The following EGR2 variants were observed in gnomAD, a reference collection of about 807,000 sequenced individuals.
EGR2 encodes E3 SUMO-protein ligase EGR2.
Under a neutral mutation model 21.2 loss-of-function variants are expected in EGR2, and 2 were observed. That is an observed-to-expected ratio of 0.09 (90% CI 0.04 to 0.30). EGR2 has a LOEUF of 0.30. EGR2 is among the 10% of genes least tolerant of loss of function. The pLI is 1.00. For synonymous variants in EGR2, 282 were observed against 258.2 expected (o/e 1.09, Z -0.88); for missense variants, 458 against 630.2 (o/e 0.73, Z 2.93).
chr10:62,815,800 T>A, intron 1 of EGR2, 61 bp downstream of exon 1: 1 of 1,597,862 alleles, frequency 6.3e-7, no homozygotes, highest in Non-Finnish European at 8.5e-7. Context: ...GCACACCCAC[T>A]GCACCCCATC....
upstream of EGR2, among the ~76,000 whole-genome samples, chr10:62,818,051 C>G (rs1213238174): frequency 7.9e-5 from 12 of 152,384 alleles, no homozygotes; most frequent in East Asian, 2.1e-3. Flanking sequence ...CCTGTCCTGT[C>G]CCTTTTTCAC....
At chr10:62,815,142 C>T in intron 1 of EGR2, among the ~76,000 whole-genome samples, 1 of 152,240 alleles carries the variant, frequency 6.6e-6, no homozygotes, top group East Asian at 1.9e-4. Context: ...AGTGGCCCGG[C>T]CTCGAGGAAG....
Position 62,813,145 on chromosome 10 carries a change from G to A in EGR2, c.*62C>T. 2 of 1,489,994 alleles carry A rather than the reference G, an allele frequency of 1.3e-6. No individual in the cohort carries two copies. Among genetic ancestry groups the A allele is most frequent in the Non-Finnish European group, 1.8e-6 (2 of 1,120,078 alleles). The allele number at this position is 1,489,994 out of a possible 1,614,324, so 92.3% of individuals were successfully genotyped here. A position where few individuals can be genotyped will look rare whatever the true frequency, so the allele number is the denominator to read the frequency against. On this transcript the variant is annotated 3_prime_UTR_variant, in exon 2 of 2. Transcript: ENST00000242480. The surrounding 1 kb of genome is among the most constrained non-coding windows in gnomAD (Gnocchi z 5.7). ...AAAGGGTGGTAGTGTTTGTTGTGCA[G>A]CTCCAGTGGACAAAGGGCCTCCGGG...
rs1183807098 is a variant in EGR2 at position 62,814,563 on chromosome 10, G to C, written c.170-95C>G. On this transcript the variant is annotated intron_variant, in intron 1 of 1. Transcript: ENST00000242480. The surrounding 1 kb of genome is among the most constrained non-coding windows in gnomAD (Gnocchi z 4.8). ...CTCACATAGGTCCATTTCCAAGGCC[G>C]AGAGTCTCAGCACTGTAGAGCTGTG... 1.2e-5 allele frequency: 15 copies of C among 1,222,238 alleles called. No individual in the cohort carries two copies. Among genetic ancestry groups the C allele is most frequent in the Non-Finnish European group, 1.8e-5 (15 of 835,866 alleles). The allele number at this position is 1,222,238 out of a possible 1,614,324, so 75.7% of individuals were successfully genotyped here.
Position 62,813,832 on chromosome 10 carries a change from C to T in EGR2, c.806G>A (p.Arg269His). ...ACTGGGGCCCCCCAGGGTAAAGTTA[C>T]GGATTGTAGAGAGTGGAGTGAGTGG... ...PPPLTPLSTI[R>H]NFTLGGPSAG... The change falls in exon 2 of 2, where the codon CGT becomes CAT. Residue 269 changes from arginine to histidine, a missense_variant. Coordinates refer to ENST00000242480, the MANE Select transcript of EGR2 (RefSeq NM_000399.5). The surrounding 1 kb of genome is among the most constrained non-coding windows in gnomAD (Gnocchi z 5.7). 2 of 1,614,066 alleles carry T rather than the reference C, an allele frequency of 1.2e-6. No individual in the cohort carries two copies. The highest frequency in any genetic ancestry group is 1.7e-6 in the Non-Finnish European group (2 of 1,179,998).
chr10:62,816,391 T>G, upstream of EGR2: 1 of 1,197,682 alleles, frequency 8.3e-7, no homozygotes, highest in Non-Finnish European at 1.1e-6. Flanking sequence ...GCTCTAAGTA[T>G]TTATGGGCAG....
Position 62,815,851 on chromosome 10 carries a change from C to G in EGR2, c.169+10G>C, listed in dbSNP as rs114201658. 2 of 1,613,904 alleles carry G rather than the reference C, an allele frequency of 1.2e-6. No homozygotes were observed. Among genetic ancestry groups the G allele is most frequent in the East Asian group, 4.5e-5 (2 of 44,884 alleles). On this transcript the variant is annotated intron_variant, in intron 1 of 1. Transcript: ENST00000242480. Reference sequence around the variant, plus strand: ...GCGCAGGTCCGGGCCTGCGAAGACACGCGGCTTACCTCCGGCCACTCCGTT... The same window carrying G: ...GCGCAGGTCCGGGCCTGCGAAGACAGGCGGCTTACCTCCGGCCACTCCGTT...
upstream of EGR2, among the ~76,000 whole-genome samples, chr10:62,816,755 G>A (rs956761917): frequency 6.6e-6 from 1 of 152,188 alleles, no homozygotes; most frequent in African/African-American, 2.4e-5. Context: ...CGGTGCCGGC[G>A]GCTCCGCCTC....
At chr10:62,815,440 T>G in intron 1 of EGR2, among the ~76,000 whole-genome samples, 1 of 152,200 alleles carries the variant, frequency 6.6e-6, no homozygotes, top group Admixed American at 6.5e-5. Context: ...CGCTTTCCCC[T>G]GGCGCTTCTC....
chr10:62,813,244 G>T lies in EGR2; in HGVS notation c.1394C>A (p.Pro465Gln). Residue 465 changes from proline to glutamine, a missense_variant, in exon 2 of 2, where the codon CCG becomes CAG. Pro to Gln is a moderately conservative substitution (Grantham distance 76). Coordinates refer to ENST00000242480, the MANE Select transcript of EGR2 (RefSeq NM_000399.5). This position sits in a 1 kb window ranked among gnomAD's most constrained non-coding sequence, Gnocchi z 5.7. ...GGTCCGAGAGGAGCAAGGGGCGAGC[G>T]GCCCTCCGCCAAGACTGCTGCTGTT... ...SSNSSSLGGGPLAPCSSRTRT... is the reference protein window; with the variant it reads ...SSNSSSLGGGQLAPCSSRTRT... 1.3e-6 allele frequency: 2 copies of T among 1,566,804 alleles called. No individual in the cohort carries two copies. Among genetic ancestry groups the T allele is most frequent in the Non-Finnish European group, 1.7e-6 (2 of 1,158,062 alleles).
Position 62,815,967 on chromosome 10 carries a change from C to T in EGR2, c.63G>A (p.Leu21=). Residue 21 remains leucine, a synonymous_variant, in exon 1 of 2, where the codon CTG becomes CTA. Transcript: ENST00000242480. ...PVTLSGFVHQ[L]SDNIYPVEDL... The stretch of plus-strand genomic sequence containing the variant: ...CCTCCACCGGGTAGATGTTGTCAGA[C>T]AGCTGGTGCACAAAACCACTGAGAG... The T allele has an allele frequency of 6.2e-7, 1 of 1,614,244 alleles. No individual in the cohort carries two copies. The highest frequency in any genetic ancestry group is 8.5e-7 in the Non-Finnish European group (1 of 1,180,044).
Position 62,813,273 on chromosome 10 carries a change from G to A in EGR2, c.1365C>T (p.Ser455=), listed in dbSNP as rs967146113. ...GGVQPGGTLC[S]SNSSSLGGGP... ...CTCCGCCAAGACTGCTGCTGTTACTGCTGCACAGGGTACCCCCAGGCTGCA... is the reference window on the plus strand; with the variant it reads ...CTCCGCCAAGACTGCTGCTGTTACTACTGCACAGGGTACCCCCAGGCTGCA... Residue 455 remains serine, a synonymous_variant, in exon 2 of 2, where the codon AGC becomes AGT. Transcript: ENST00000242480. The surrounding 1 kb of genome is among the most constrained non-coding windows in gnomAD (Gnocchi z 5.7). The A allele has an allele frequency of 4.5e-6, 7 of 1,569,080 alleles. No individual in the cohort carries two copies. In the South Asian group the frequency reaches 4.8e-5, roughly 11 times the overall value.
At position 62,813,706 on chromosome 10, in the gene EGR2, T is replaced by A. The variant is rs762923017; in HGVS notation, c.932A>T (p.Asn311Ile). The A allele has an allele frequency of 1.2e-6, 2 of 1,612,628 alleles. No individual in the cohort carries two copies. The highest frequency in any genetic ancestry group is 1.7e-6 in the Non-Finnish European group (2 of 1,179,802). Residue 311 changes from asparagine to isoleucine, a missense_variant, in exon 2 of 2, where the codon AAC (asparagine) becomes ATC (isoleucine). Asn to Ile is a moderately radical substitution (Grantham distance 149, BLOSUM62 -3). This residue lies in a region of EGR2 where 253 missense variants were observed against 315.5 expected (regional missense o/e 0.80). Transcript: ENST00000242480. The surrounding 1 kb of genome is among the most constrained non-coding windows in gnomAD (Gnocchi z 5.7). The part of the protein sequence containing the change: ...AAAAAAAAAY[N>I]PHHLPLRPIL... The stretch of plus-strand genomic sequence containing the variant: ...GGGCCGCAGTGGCAGGTGGTGTGGG[T>A]TATAGGCGGCGGCGGCGGCGGCTGC...
At position 62,814,869 on chromosome 10, in the gene EGR2, C is replaced by T. The variant is rs1246472054; in HGVS notation, c.170-401G>A. ...CACGGCTGAGGCACCAAGACAAACA[C>T]CACCCAAGAATCGACCTATCCCAGT... On this transcript the variant is annotated intron_variant, in intron 1 of 1. Transcript: ENST00000242480. The surrounding 1 kb of genome is among the most constrained non-coding windows in gnomAD (Gnocchi z 4.8). Among the ~76,000 whole-genome samples, 1 of 152,250 alleles carries T rather than the reference C, an allele frequency of 6.6e-6. No homozygotes were observed. Among genetic ancestry groups the T allele is most frequent in the Non-Finnish European group, 1.5e-5 (1 of 68,042 alleles).
Position 62,814,647 on chromosome 10 carries a change from A to T in EGR2, c.170-179T>A, listed in dbSNP as rs541453768. Among the ~76,000 whole-genome samples the T allele has an allele frequency of 5.9e-5, 9 of 152,266 alleles. No homozygotes were observed. In the South Asian group the frequency reaches 1.9e-3, roughly 32 times the overall value. On this transcript the variant is annotated intron_variant, in intron 1 of 1. Coordinates refer to ENST00000242480, the MANE Select transcript of EGR2 (RefSeq NM_000399.5). This position sits in a 1 kb window ranked among gnomAD's most constrained non-coding sequence, Gnocchi z 4.8. ...CAGACTGTAAGAAGAGGCCAGCCCA[A>T]CTGTGGCAACCCATTGACAGTATGG...
In EGR2 at chr10:62,813,443, C is replaced by A. The variant is rs771331587; in HGVS notation, c.1195G>T (p.Ala399Ser). The A allele has an allele frequency of 1.9e-6, 3 of 1,614,186 alleles. No individual in the cohort carries two copies. The highest frequency in any genetic ancestry group is 3.3e-5 in the Admixed American group (2 of 60,034). ...AACTTTCGGCCACAGTAGTCACAGG[C>A]GAAGGGCTTCTCACCGGTGTGGGTG... ...IRTHTGEKPF[A>S]CDYCGRKFAR... is the part of the protein sequence containing the mutation. Residue 399 changes from alanine to serine, a missense_variant, in exon 2 of 2, where the codon GCC becomes TCC. Coordinates refer to ENST00000242480, the MANE Select transcript of EGR2 (RefSeq NM_000399.5). The surrounding 1 kb of genome is among the most constrained non-coding windows in gnomAD (Gnocchi z 5.7).
upstream of EGR2, chr10:62,818,571 T>TGGCGGGTCC: frequency 7.8e-7 from 1 of 1,277,614 alleles, no homozygotes; most frequent in South Asian, 1.2e-5. Flanking sequence ...GCCTGCGCTC[T>TGGCGGGTCC]GGCGGGTCCC....
rs1842264200 is a variant in EGR2, at chr10:62,816,179, A to C, written c.-150T>G. 1 of 1,532,904 alleles carries C rather than the reference A, an allele frequency of 6.5e-7. No homozygotes were observed. The highest frequency in any genetic ancestry group is 2.3e-5 in the East Asian group (1 of 42,742). 95.0% of individuals were successfully genotyped at this position (1,532,904 alleles called of 1,614,324 possible). A position where few individuals can be genotyped will look rare whatever the true frequency, so the allele number is the denominator to read the frequency against. The stretch of plus-strand genomic sequence containing the variant: ...ACCACCACACACACCAAGAAAAAAA[A>C]ATCAACAGAAATAAAAGTAGCAAAC... On this transcript the variant is annotated 5_prime_UTR_variant, in exon 1 of 2. The change creates a new upstream start codon in the 5' untranslated region. Coordinates refer to ENST00000242480, the MANE Select transcript of EGR2 (RefSeq NM_000399.5).
At position 62,814,147 on chromosome 10, in the gene EGR2, A is replaced by C; in HGVS notation, c.491T>G (p.Leu164Arg). ...MSQTQPDLDH[L>R]YSPPPPPPPY... ...AGGAGGAGGCGGTGGCGGAGAGTAC[A>C]GGTGGTCCAGGTCAGGCTGGGTCTG... Residue 164 changes from leucine (L) to arginine (R), a missense_variant, in exon 2 of 2, where the codon CTG becomes CGG. Coordinates refer to ENST00000242480, the MANE Select transcript of EGR2 (RefSeq NM_000399.5). This position sits in a 1 kb window ranked among gnomAD's most constrained non-coding sequence, Gnocchi z 4.8. 1 of 1,614,040 alleles carries C rather than the reference A, an allele frequency of 6.2e-7. No homozygotes were observed.
Sources: allele counts gnomAD v4.1 joint callset (sites outside exome capture counted in the v4.1 genomes callset), GRCh38; gene constraint gnomAD v4.1.1; regional missense constraint gnomAD v4.1.1; non-coding constraint Gnocchi (gnomAD v3.1); transcripts MANE v1.5; gene names NCBI Gene and HGNC (gene_info 2026-07-23, HGNC 2026-07-21).